The following ERC1 variants were observed in gnomAD, a reference collection of about 807,000 sequenced individuals.
ERC1 encodes the protein RAB6 interacting protein 2.
Under a neutral mutation model 132.0 loss-of-function variants are expected in ERC1, and 56 were observed. The observed-to-expected ratio is 0.42, with a 90% CI of 0.34 to 0.53. The LOEUF (loss-of-function observed/expected upper bound fraction) is 0.53, where lower values mean the gene tolerates loss of function less well. ERC1 is among the 20% of genes least tolerant of loss of function. ERC1 has a pLI of 0.03. For synonymous variants in ERC1, 478 were observed against 476.1 expected (o/e 1.00, Z -0.05); for missense variants, 1,202 against 1,349.9 (o/e 0.89, Z 1.72).
rs186564853 is a variant in ERC1 at position 1,055,008 on chromosome 12, C to T, written c.669+26436C>T. ...GCTAGAAGTTCCAGGCTGCTGTGAGCAGTGCCTCTACACTCCAGCCTTGGT... is the reference window on the plus strand; with the variant it reads ...GCTAGAAGTTCCAGGCTGCTGTGAGTAGTGCCTCTACACTCCAGCCTTGGT... On this transcript the variant is annotated intron_variant, in intron 2 of 18. Coordinates refer to ENST00000360905, the MANE Select transcript of ERC1 (RefSeq NM_178040.4). 5.5e-3 allele frequency among the ~76,000 whole-genome samples: 844 copies of T among 152,208 alleles called. 3 individuals carry two copies. Among genetic ancestry groups the T allele is most frequent in the South Asian group, 0.012 (57 of 4,826 alleles).
chr12:1,451,036 C>T (rs193047566), intron 18 of ERC1, among the ~76,000 whole-genome samples: 1 of 152,250 alleles, frequency 6.6e-6, no homozygotes, highest in African/African-American at 2.4e-5. Context: ...TTTAGAAGTT[C>T]TCTACATAGT....
Position 1,083,531 on chromosome 12 carries a change from T to G in ERC1, c.1037T>G (p.Leu346Arg), listed in dbSNP as rs1341361513. The G allele has an allele frequency of 1.2e-5, 19 of 1,611,628 alleles. No individual in the cohort carries two copies. The highest frequency in any genetic ancestry group is 1.5e-5 in the Non-Finnish European group (18 of 1,179,418). ...GAGGCAGAGATGCACGTTCATCACC[T>G]AGAAAGCCTTTTGGAGCAGAAGGAA... ...LAEAEMHVHHLESLLEQKEKE... is the reference protein window; with the variant it reads ...LAEAEMHVHHRESLLEQKEKE... The change falls in exon 3 of 19, where the codon CTA becomes CGA. Residue 346 changes from leucine to arginine, a missense_variant. Transcript: ENST00000360905.
chr12:1,470,689 T>C (rs1335153866), intron 18 of ERC1, among the ~76,000 whole-genome samples: 2 of 152,230 alleles, frequency 1.3e-5, no homozygotes. Flanking sequence ...ATGTGAGATA[T>C]TACCAAATCA....
In ERC1 at chr12:1,303,525, G is replaced by A. The variant is rs569663935; in HGVS notation, c.2780+13513G>A. 4.4e-3 allele frequency among the ~76,000 whole-genome samples: 669 copies of A among 152,102 alleles called. 7 individuals are homozygous for A. The highest frequency in any genetic ancestry group is 0.016 in the African/African-American group (648 of 41,464). ...GTGGCGGCGTGCACCTGTAGTCCCA[G>A]CTGCTGGGGAGACTGAGGCAGGAGA... On this transcript the variant is annotated intron_variant, in intron 15 of 18. Coordinates refer to ENST00000360905, the MANE Select transcript of ERC1 (RefSeq NM_178040.4).
chr12:1,359,480 A>ACAC (rs1185041226), intron 15 of ERC1, among the ~76,000 whole-genome samples: 3 of 152,148 alleles, frequency 2.0e-5, no homozygotes, highest in Non-Finnish European at 4.4e-5. Context: ...CAAGGAACCG[A>ACAC]CACCTGGCAA....
chr12:1,264,674 A>C (rs1454656545), intron 14 of ERC1, among the ~76,000 whole-genome samples: 1 of 152,288 alleles, frequency 6.6e-6, no homozygotes, highest in East Asian at 1.9e-4. Context: ...AAACAAAAAA[A>C]AAAAGATTTC....
intron 18 of ERC1, among the ~76,000 whole-genome samples, chr12:1,454,248 C>T (rs1385391533): frequency 1.3e-5 from 2 of 152,198 alleles, no homozygotes; most frequent in Non-Finnish European, 2.9e-5. Context: ...ACACCCCTCT[C>T]CATGTGCCTT....
At chr12:1,030,656 G>C (rs1014607579) in intron 2 of ERC1, among the ~76,000 whole-genome samples, 3 of 152,188 alleles carry the variant, frequency 2.0e-5, no homozygotes, top group Non-Finnish European at 4.4e-5. Flanking sequence ...GGGAGGTCGA[G>C]GCCACAGTCA....
chr12:1,123,723 G>A (rs1037415770), intron 7 of ERC1, among the ~76,000 whole-genome samples: 4 of 152,170 alleles, frequency 2.6e-5, no homozygotes, highest in Admixed American at 1.3e-4. Flanking sequence ...GGCCGGGCGC[G>A]GCAGCCCACG....
chr12:1,312,722 C>T (rs1165942260), intron 15 of ERC1, among the ~76,000 whole-genome samples: 1 of 152,156 alleles, frequency 6.6e-6, no homozygotes, highest in African/African-American at 2.4e-5. Context: ...TACCTCACTT[C>T]CAAGATAATT....
chr12:1,440,457 T>C (rs12370148), intron 17 of ERC1, among the ~76,000 whole-genome samples: 4,248 of 150,326 alleles, frequency 0.028, 97 homozygotes, highest in Middle Eastern at 0.076. Flanking sequence ...CTGCCCTCCT[T>C]GGCCTCCCAA....
intron 12 of ERC1, among the ~76,000 whole-genome samples, chr12:1,216,796 T>G (rs1275610360): frequency 1.3e-5 from 2 of 152,114 alleles, no homozygotes; most frequent in African/African-American, 4.8e-5. Flanking sequence ...CAAGAAGGGT[T>G]GAATCCCTGG....
At chr12:1,040,920 A>C (rs1970102449) in intron 2 of ERC1, among the ~76,000 whole-genome samples, 1 of 152,084 alleles carries the variant, frequency 6.6e-6, no homozygotes, top group Non-Finnish European at 1.5e-5. Flanking sequence ...TGTAGCTTTG[A>C]AGTCATCCTG....
chr12:1,035,996 T>C (rs527725623), intron 2 of ERC1, among the ~76,000 whole-genome samples: 3 of 152,296 alleles, frequency 2.0e-5, no homozygotes, highest in East Asian at 3.9e-4. Flanking sequence ...CATCATACTT[T>C]TTAAATTATG....
rs1216216567 is a variant in ERC1, at chr12:1,495,474, T to C, written c.*5244T>C. ...CAGGCCCTCTGGGTCCAGCCCCTCA[T>C]TCCACACCACGCCAGTATTGCATCC... is the stretch of plus-strand genomic sequence containing the variant. On this transcript the variant is annotated 3_prime_UTR_variant, in exon 19 of 19. Coordinates refer to ENST00000360905, the MANE Select transcript of ERC1 (RefSeq NM_178040.4). 1.3e-5 allele frequency: 3 copies of C among 227,412 alleles called. No homozygotes were observed. Among genetic ancestry groups the C allele is most frequent in the Non-Finnish European group, 2.6e-5 (3 of 114,488 alleles). The allele number at this position is 227,412 out of a possible 1,614,324, so 14.1% of individuals were successfully genotyped here.
At chr12:1,367,051 C>T (rs1485049894) in intron 15 of ERC1, among the ~76,000 whole-genome samples, 1 of 152,096 alleles carries the variant, frequency 6.6e-6, no homozygotes, top group African/African-American at 2.4e-5. Context: ...GTCTCTGAAA[C>T]CTCTGCAAGG....
chr12:1,335,076 C>T (rs1435675135), intron 15 of ERC1, among the ~76,000 whole-genome samples: 1 of 152,080 alleles, frequency 6.6e-6, no homozygotes, highest in African/African-American at 2.4e-5. Context: ...ATATTGATTT[C>T]GTATCCTGAA....
rs140237287 is a variant in ERC1, at chr12:1,075,737, A to C, written c.670-7427A>C. 1.8e-3 allele frequency among the ~76,000 whole-genome samples: 278 copies of C among 152,302 alleles called. 2 individuals are homozygous for C. Among genetic ancestry groups the C allele is most frequent in the African/African-American group, 6.4e-3 (265 of 41,558 alleles). On this transcript the variant is annotated intron_variant, in intron 2 of 18. Coordinates refer to ENST00000360905, the MANE Select transcript of ERC1 (RefSeq NM_178040.4). ...GCAAGACTGTCTCGGGGGAAAAGAA[A>C]AAAAAAGAAAATCACAAGGAAGAGA...
intron 15 of ERC1, among the ~76,000 whole-genome samples, chr12:1,336,092 T>C (rs1381319744): frequency 6.6e-6 from 1 of 152,224 alleles, no homozygotes; most frequent in Non-Finnish European, 1.5e-5. Context: ...TGTATTTCTG[T>C]GGGTTCGGTA....
Sources: gnomAD v4.1 joint callset for allele counts (sites outside exome capture counted in the v4.1 genomes callset) on GRCh38, gnomAD v4.1.1 for gene constraint, MANE v1.5 for transcripts, NCBI Gene and HGNC (gene_info 2026-07-23, HGNC 2026-07-21) for gene names.